IL1RAPL2: variants seen among roughly 807,000 people sequenced by gnomAD.
The protein encoded by IL1RAPL2 is X-linked interleukin-1 receptor accessory protein-like 2.
A neutral mutation model predicts 44.1 loss-of-function variants in IL1RAPL2; 3 were observed. The observed-to-expected ratio is 0.07, with a 90% CI of 0.03 to 0.18. The LOEUF is 0.18. Among genes scored for constraint, IL1RAPL2 ranks in the 10% least tolerant of loss-of-function variants. The pLI is 1.00. For missense variants in IL1RAPL2, 391 were observed against 496.4 expected, an observed-to-expected ratio of 0.79 and a Z score of 2.02; for synonymous variants, 181 against 178.8, an observed-to-expected ratio of 1.01 and a Z score of -0.10.
intron 2 of IL1RAPL2, among the ~76,000 whole-genome samples, chrX:104,757,636 A>T (rs1932361675): frequency 8.9e-6 from 1 of 111,748 alleles, no homozygotes. Flanking sequence ...AAAAGTGCTT[A>T]TAGAAAGAAG....
intron 2 of IL1RAPL2, among the ~76,000 whole-genome samples, chrX:104,952,591 TG>T (rs1925613557): frequency 8.9e-6 from 1 of 111,805 alleles, no homozygotes; most frequent in Non-Finnish European, 1.9e-5. Context: ...GAAGAACTTT[TG>T]GGGTACACCC....
At chrX:105,711,143 A>T (rs1261543014) in intron 6 of IL1RAPL2, among the ~76,000 whole-genome samples, 3 of 110,237 alleles carry the variant, frequency 2.7e-5, no homozygotes, top group Non-Finnish European at 3.8e-5. Context: ...AGAACAGATG[A>T]TACGTACTGT....
chrX:105,141,664 C>A (rs745875439), intron 2 of IL1RAPL2, among the ~76,000 whole-genome samples: 5 of 111,820 alleles, frequency 4.5e-5, no homozygotes, highest in African/African-American at 1.6e-4. Context: ...AACAGTGGCA[C>A]CCTATTATTT....
intron 1 of IL1RAPL2, among the ~76,000 whole-genome samples, chrX:104,638,237 T>C (rs1487206460): frequency 9.0e-6 from 1 of 111,519 alleles, no homozygotes; most frequent in South Asian, 3.7e-4. Context: ...ATTTTATTCA[T>C]TGGGTGTTCT....
At chrX:104,699,709 C>T (rs929230320) in intron 2 of IL1RAPL2, among the ~76,000 whole-genome samples, 1 of 111,212 alleles carries the variant, frequency 9.0e-6, no homozygotes, top group Non-Finnish European at 1.9e-5. Context: ...TAAATAAAGT[C>T]GAATTGGAAC....
At chrX:105,061,765 T>G (rs1025890091) in intron 2 of IL1RAPL2, among the ~76,000 whole-genome samples, 2 of 112,283 alleles carry the variant, frequency 1.8e-5, no homozygotes, top group African/African-American at 6.5e-5. Context: ...ATCCTCTTGC[T>G]GAATTAGCCC....
intron 1 of IL1RAPL2, among the ~76,000 whole-genome samples, chrX:104,585,330 T>A (rs1255568451): frequency 1.8e-4 from 2 of 11,126 alleles, no homozygotes; most frequent in Non-Finnish European, 2.5e-4. Context: ...TTATATATAA[T>A]ATATATTATA....
At chrX:104,855,217 A>T (rs1348771426) in intron 2 of IL1RAPL2, among the ~76,000 whole-genome samples, 1 of 112,001 alleles carries the variant, frequency 8.9e-6, no homozygotes, top group Non-Finnish European at 1.9e-5. Context: ...TTCTTAGACT[A>T]AAGTTTGGAC....
chrX:105,144,362 C>A (rs2033159706), intron 2 of IL1RAPL2, among the ~76,000 whole-genome samples: 1 of 111,033 alleles, frequency 9.0e-6, no homozygotes, highest in Non-Finnish European at 1.9e-5. Flanking sequence ...AGCAGACTTA[C>A]CTTCAATATG....
intron 6 of IL1RAPL2, among the ~76,000 whole-genome samples, chrX:105,709,359 G>A (rs1047460091): frequency 8.9e-6 from 1 of 111,930 alleles, no homozygotes; most frequent in South Asian, 3.7e-4. Context: ...GGACCTTGAC[G>A]CTAAAGTTAA....
At chrX:104,593,215 A>G (rs1275151091) in intron 1 of IL1RAPL2, among the ~76,000 whole-genome samples, 1 of 111,821 alleles carries the variant, frequency 8.9e-6, no homozygotes, top group African/African-American at 3.2e-5. Flanking sequence ...GGGCTACTCT[A>G]TCACTGAGCT....
At chrX:105,012,680 G>C (rs1238933383) in intron 2 of IL1RAPL2, among the ~76,000 whole-genome samples, 5 of 102,723 alleles carry the variant, frequency 4.9e-5, no homozygotes, top group African/African-American at 1.9e-4. Context: ...CACACAGAGA[G>C]AGAGAGAGAG....
chrX:104,733,010 A>G (rs1300762259), intron 2 of IL1RAPL2, among the ~76,000 whole-genome samples: 1 of 111,846 alleles, frequency 8.9e-6, no homozygotes, highest in African/African-American at 3.2e-5. Flanking sequence ...GATAACCTTA[A>G]AGAAAAAAGT....
intron 2 of IL1RAPL2, among the ~76,000 whole-genome samples, chrX:104,880,829 T>C (rs1026821454): frequency 8.9e-6 from 1 of 111,924 alleles, no homozygotes; most frequent in Non-Finnish European, 1.9e-5. Context: ...AAAGGTGCAA[T>C]AGAATAAGCA....
At chrX:105,594,038 A>G (rs1416260136) in intron 6 of IL1RAPL2, among the ~76,000 whole-genome samples, 1 of 112,365 alleles carries the variant, frequency 8.9e-6, no homozygotes, top group African/African-American at 3.2e-5. Flanking sequence ...CATATGATCA[A>G]TATTTTAATA....
At chrX:104,597,240 A>T (rs767562596) in intron 1 of IL1RAPL2, among the ~76,000 whole-genome samples, 3 of 108,737 alleles carry the variant, frequency 2.8e-5, no homozygotes, top group South Asian at 4.2e-4. Context: ...GCTACTCAGG[A>T]AGCTGAGGCA....
chrX:105,240,520 G>A (rs981450954), intron 4 of IL1RAPL2, among the ~76,000 whole-genome samples: 1 of 111,965 alleles, frequency 8.9e-6, no homozygotes, highest in Non-Finnish European at 1.9e-5. Flanking sequence ...CTAAAGTTAT[G>A]AGAAACCCGT....
At chrX:105,020,281 G>A (rs1253566691) in intron 2 of IL1RAPL2, among the ~76,000 whole-genome samples, 7 of 111,379 alleles carry the variant, frequency 6.3e-5, no homozygotes, top group East Asian at 2.9e-4. Flanking sequence ...CACTGGGCCC[G>A]ACCTAGGCAG....
intron 5 of IL1RAPL2, among the ~76,000 whole-genome samples, chrX:105,323,366 A>G (rs1282265451): frequency 8.9e-6 from 1 of 111,732 alleles, no homozygotes; most frequent in Admixed American, 9.6e-5. Context: ...GTCCTTCCCC[A>G]TCTGGCTGCC....
Sources: allele counts gnomAD v4.1 joint callset (sites outside exome capture counted in the v4.1 genomes callset), GRCh38; gene constraint gnomAD v4.1.1; transcripts MANE v1.5; gene names NCBI Gene and HGNC (gene_info 2026-07-23, HGNC 2026-07-21).